CLVS2: variants seen among roughly 807,000 people sequenced by gnomAD.
CLVS2 encodes the protein clavesin 2.
A neutral mutation model predicts 29.0 loss-of-function variants in CLVS2; 19 were observed. The ratio of observed to expected loss-of-function variants is 0.66; its 90% CI spans 0.46 to 0.96. The LOEUF is 0.96. Among genes scored for constraint, CLVS2 ranks in the 40% least tolerant of loss-of-function variants. The probability of loss-of-function intolerance (pLI) is 0.00; values close to 1 mark genes in which losing one functional copy is unlikely to be tolerated. For synonymous variants in CLVS2, 161 were observed against 151.3 expected (o/e 1.06, Z -0.47); for missense variants, 294 against 404.1 (o/e 0.73, Z 2.34).
chr6:123,044,158 C>G lies in CLVS2; in HGVS notation c.565-4464C>G, dbSNP rs138739623. 2.2e-3 allele frequency among the ~76,000 whole-genome samples: 339 copies of G among 152,228 alleles called. 4 individuals are homozygous for G. The highest frequency in any genetic ancestry group is 0.011 in the East Asian group (57 of 5,180). ...TAGAAATTTTATTACCTTTTTTCAA[C>G]CCATCTTGGCTGCACTCTTCCTGAT... On this transcript the variant is annotated intron_variant, in intron 3 of 5. Coordinates refer to ENST00000275162, the MANE Select transcript of CLVS2 (RefSeq NM_001010852.4).
At chr6:123,040,112 C>T (rs770185506) in intron 3 of CLVS2, among the ~76,000 whole-genome samples, 1 of 152,090 alleles carries the variant, frequency 6.6e-6, no homozygotes, top group African/African-American at 2.4e-5. Context: ...TAGGCTTCAC[C>T]AAGTGATCAA....
At chr6:123,046,644 G>A (rs930202015) in intron 3 of CLVS2, among the ~76,000 whole-genome samples, 1 of 120,572 alleles carries the variant, frequency 8.3e-6, no homozygotes, top group African/African-American at 3.4e-5. Context: ...GGTAATAGGA[G>A]TGAAACTCAG....
In CLVS2 at chr6:123,023,909, TAC is replaced by T. The variant is rs143114237; in HGVS notation, c.564+12752_564+12753del. ...ATTGTGATGATTATATGAATTGACATACATGAAAGAAATTGGCATGGTACCCA... is the reference window on the plus strand; with the variant it reads ...ATTGTGATGATTATATGAATTGACATATGAAAGAAATTGGCATGGTACCCA... On this transcript the variant is annotated intron_variant, in intron 3 of 5. Transcript: ENST00000275162. Among the ~76,000 whole-genome samples, 829 of 152,260 alleles carry T rather than the reference TAC, an allele frequency of 5.4e-3. 7 individuals are homozygous for T. The highest frequency in any genetic ancestry group is 0.012 in the East Asian group (62 of 5,172).
At chr6:123,001,929 A>AAAC (rs1774594257) in intron 2 of CLVS2, among the ~76,000 whole-genome samples, 7 of 152,332 alleles carry the variant, frequency 4.6e-5, no homozygotes, top group African/African-American at 1.7e-4. Context: ...TGATGATAGG[A>AAAC]AGTGTCAGAG....
At chr6:123,005,083 A>C (rs942940143) in intron 2 of CLVS2, among the ~76,000 whole-genome samples, 2 of 151,996 alleles carry the variant, frequency 1.3e-5, no homozygotes, top group African/African-American at 4.8e-5. Context: ...CTTTTTTCCT[A>C]AGGTGATTTA....
intron 3 of CLVS2, among the ~76,000 whole-genome samples, chr6:123,041,861 AT>A (rs1339158712): frequency 1.3e-5 from 2 of 152,216 alleles, no homozygotes; most frequent in African/African-American, 4.8e-5. Context: ...TTAAAAATTA[AT>A]GCTAAAAAGT....
intron 3 of CLVS2, among the ~76,000 whole-genome samples, chr6:123,038,186 G>T (rs1775180927): frequency 6.6e-6 from 1 of 152,118 alleles, no homozygotes; most frequent in Non-Finnish European, 1.5e-5. Context: ...CATTCCTAAT[G>T]CTATTTCTTT....
intron 3 of CLVS2, among the ~76,000 whole-genome samples, chr6:123,013,654 A>AT (rs148734781): frequency 2.0e-5 from 3 of 151,480 alleles, no homozygotes; most frequent in Non-Finnish European, 2.9e-5. Context: ...ATTTTATTTT[A>AT]TTTTTTTATT....
intron 3 of CLVS2, among the ~76,000 whole-genome samples, chr6:123,015,602 A>G (rs372367705): frequency 6.6e-6 from 1 of 152,066 alleles, no homozygotes; most frequent in Non-Finnish European, 1.5e-5. Flanking sequence ...AGATCAAAGT[A>G]ACTTCTCCCA....
chr6:123,034,110 G>A (rs991524215), intron 3 of CLVS2, among the ~76,000 whole-genome samples: 1 of 152,098 alleles, frequency 6.6e-6, no homozygotes, highest in African/African-American at 2.4e-5. Context: ...TTCTTTATTG[G>A]TAGGAATATA....
Position 123,071,285 on chromosome 6 carries a change from T to C in CLVS2, c.*7524T>C, listed in dbSNP as rs1772944188. ...TCTTGTTGTCTTAATTTAAAAAATT[T>C]TGTTATTTATCTTCAAAGGGGAAAT... On this transcript the variant is annotated 3_prime_UTR_variant, in exon 6 of 6. Coordinates refer to ENST00000275162, the MANE Select transcript of CLVS2 (RefSeq NM_001010852.4). 1 of 152,020 alleles carries C rather than the reference T, an allele frequency of 6.6e-6. No individual in the cohort carries two copies. The highest frequency in any genetic ancestry group is 2.4e-5 in the African/African-American group (1 of 41,422). 9.4% of individuals were successfully genotyped at this position (152,020 alleles called of 1,614,324 possible).
rs1446683927 is a variant in CLVS2, at chr6:123,063,981, T to C, written c.*220T>C. 5.1e-6 allele frequency: 2 copies of C among 394,160 alleles called. No individual in the cohort carries two copies. Among genetic ancestry groups the C allele is most frequent in the African/African-American group, 4.1e-5 (2 of 48,288 alleles). The allele number at this position is 394,160 out of a possible 1,614,324, so 24.4% of individuals were successfully genotyped here. A position where few individuals can be genotyped will look rare whatever the true frequency, so the allele number is the denominator to read the frequency against. On this transcript the variant is annotated 3_prime_UTR_variant, in exon 6 of 6. Coordinates refer to ENST00000275162, the MANE Select transcript of CLVS2 (RefSeq NM_001010852.4). ...TTTATTCTGTAAGTGCCAAGTTGTTTGTAAATATAATGTAATCTTCATGTC... is the reference window on the plus strand; with the variant it reads ...TTTATTCTGTAAGTGCCAAGTTGTTCGTAAATATAATGTAATCTTCATGTC...
In CLVS2 at chr6:122,997,528, G is replaced by A. The variant is rs1044454359; in HGVS notation, c.-250G>A. The A allele has an allele frequency of 1.8e-6, 1 of 549,046 alleles. No homozygotes were observed. Among genetic ancestry groups the A allele is most frequent in the Non-Finnish European group, 3.3e-6 (1 of 300,414 alleles). 34.0% of individuals were successfully genotyped at this position (549,046 alleles called of 1,614,324 possible). On this transcript the variant is annotated 5_prime_UTR_variant, in exon 2 of 6. Coordinates refer to ENST00000275162, the MANE Select transcript of CLVS2 (RefSeq NM_001010852.4). Reference sequence around the variant, plus strand: ...CTCTTTAAAGGAAAGGAAAGAGGGAGCCAAAGTAGGGTGTTGTATTTTAGG... The same window carrying A: ...CTCTTTAAAGGAAAGGAAAGAGGGAACCAAAGTAGGGTGTTGTATTTTAGG...
At chr6:123,057,251 T>A (rs986182763) in intron 5 of CLVS2, among the ~76,000 whole-genome samples, 2 of 151,714 alleles carry the variant, frequency 1.3e-5, no homozygotes, top group Non-Finnish European at 2.9e-5. Context: ...ATGTCTGGCA[T>A]CCTTCTCTGA....
chr6:123,067,296 T>C lies in CLVS2; in HGVS notation c.*3535T>C, dbSNP rs1772877328. 1.3e-5 allele frequency: 2 copies of C among 151,694 alleles called. No homozygotes were observed. The highest frequency in any genetic ancestry group is 4.8e-5 in the African/African-American group (2 of 41,396). 9.4% of individuals were successfully genotyped at this position (151,694 alleles called of 1,614,324 possible). On this transcript the variant is annotated 3_prime_UTR_variant, in exon 6 of 6. Coordinates refer to ENST00000275162, the MANE Select transcript of CLVS2 (RefSeq NM_001010852.4). ...TTTTAGACATTGGGGAATATGTTTA[T>C]GACTCTTCACATAAAGAAACCTTCA...
At chr6:123,010,584 G>A (rs565507311) in intron 2 of CLVS2, among the ~76,000 whole-genome samples, 9 of 152,034 alleles carry the variant, frequency 5.9e-5, no homozygotes, top group Non-Finnish European at 7.4e-5. Context: ...ATTTATTGAT[G>A]AGACTCACTC....
At chr6:123,019,281 T>C (rs1439165752) in intron 3 of CLVS2, among the ~76,000 whole-genome samples, 2 of 152,086 alleles carry the variant, frequency 1.3e-5, no homozygotes, top group African/African-American at 2.4e-5. Context: ...TTCACAATGA[T>C]GACCCTCTAA....
rs1349368872 is a variant in CLVS2 at position 123,071,064 on chromosome 6, A to G, written c.*7303A>G. 6.6e-6 allele frequency: 1 copy of G among 151,882 alleles called. No individual in the cohort carries two copies. Among genetic ancestry groups the G allele is most frequent in the Non-Finnish European group, 1.5e-5 (1 of 67,934 alleles). 9.4% of individuals were successfully genotyped at this position (151,882 alleles called of 1,614,324 possible). A position where few individuals can be genotyped will look rare whatever the true frequency, so the allele number is the denominator to read the frequency against. On this transcript the variant is annotated 3_prime_UTR_variant, in exon 6 of 6. Transcript: ENST00000275162. Reference sequence around the variant, plus strand: ...GCATTTATCACCTGATACACCATACAGATTATTTATTTACTTTGCATTTCC... The same window carrying G: ...GCATTTATCACCTGATACACCATACGGATTATTTATTTACTTTGCATTTCC...
chr6:123,057,333 T>C (rs1424679383), intron 5 of CLVS2, among the ~76,000 whole-genome samples: 1 of 104,320 alleles, frequency 9.6e-6, no homozygotes, highest in African/African-American at 3.7e-5. Flanking sequence ...AGGATGGTCT[T>C]CTTTTTTTTT....
Sources: allele counts gnomAD v4.1 joint callset (sites outside exome capture counted in the v4.1 genomes callset), GRCh38; gene constraint gnomAD v4.1.1; transcripts MANE v1.5; gene names NCBI Gene and HGNC (gene_info 2026-07-23, HGNC 2026-07-21).